Variants in LRBA observed in about 807,000 individuals in gnomAD.
The protein encoded by LRBA is LPS responsive beige-like anchor protein.
In LRBA, 176 loss-of-function variants were observed where a neutral mutation model predicts 330.0. The ratio of observed to expected loss-of-function variants is 0.53; its 90% CI spans 0.47 to 0.60. LRBA has a LOEUF of 0.60. LRBA is among the 20% of genes least tolerant of loss of function. LRBA has a pLI of 0.00. For synonymous variants in LRBA, 1,230 were observed against 1,193.0 expected, an observed-to-expected ratio of 1.03 and a Z score of -0.64; for missense variants, 3,259 against 3,444.8, an observed-to-expected ratio of 0.95 and a Z score of 1.35.
chr4:150,916,510 C>G lies in LRBA; in HGVS notation c.785G>C (p.Gly262Ala). 6.2e-7 allele frequency: 1 copy of G among 1,613,138 alleles called. No homozygotes were observed. The highest frequency in any genetic ancestry group is 2.2e-5 in the East Asian group (1 of 44,798). ...PYLYCFRTSK[G>A]LGYSAHFVGG... is the part of the protein sequence containing the mutation. ...AACAAAATGAGCAGAATAGCCAAGA[C>G]CTTTGCTGGTTCTGAAACTATAAAG... The change falls in exon 7 of 57, where the codon GGT (glycine) becomes GCT (alanine). Residue 262 changes from glycine (G) to alanine (A), a missense_variant. By Grantham distance (60) the Gly-to-Ala change is moderately conservative. Coordinates refer to ENST00000651943, the MANE Select transcript of LRBA (RefSeq NM_001364905.1).
chr4:150,880,033 G>C (rs1339807714), intron 17 of LRBA, among the ~76,000 whole-genome samples: 1 of 152,144 alleles, frequency 6.6e-6, no homozygotes, highest in Non-Finnish European at 1.5e-5. Flanking sequence ...CATGGTACTG[G>C]TATAAAAACA....
chr4:150,522,584 C>T (rs573045929), intron 40 of LRBA, among the ~76,000 whole-genome samples: 2 of 152,296 alleles, frequency 1.3e-5, no homozygotes, highest in Admixed American at 6.5e-5. Flanking sequence ...GGGCTCAAGG[C>T]ACCCGTGGTA....
chr4:150,343,603 C>T (rs941417983), intron 48 of LRBA, among the ~76,000 whole-genome samples: 4 of 152,116 alleles, frequency 2.6e-5, no homozygotes, highest in Non-Finnish European at 5.9e-5. Flanking sequence ...ATCTTTTCTA[C>T]AACATCCCTT....
At chr4:150,271,952 C>G (rs1208308176) in intron 56 of LRBA, among the ~76,000 whole-genome samples, 1 of 152,178 alleles carries the variant, frequency 6.6e-6, no homozygotes, top group African/African-American at 2.4e-5. Flanking sequence ...ACTTAAATGT[C>G]CCTGTCTGAC....
chr4:150,305,510 G>C (rs952791321), intron 52 of LRBA, among the ~76,000 whole-genome samples: 2 of 152,108 alleles, frequency 1.3e-5, no homozygotes, highest in Non-Finnish European at 2.9e-5. Context: ...AAATAGACAT[G>C]GTCCCTGCCC....
intron 34 of LRBA, among the ~76,000 whole-genome samples, chr4:150,783,690 G>A (rs1387548675): frequency 6.6e-6 from 1 of 152,174 alleles, no homozygotes; most frequent in Admixed American, 6.5e-5. Context: ...AGCCCACTGT[G>A]GAAGAGAAAG....
At chr4:150,575,984 G>A (rs974905427) in intron 40 of LRBA, among the ~76,000 whole-genome samples, 2 of 151,734 alleles carry the variant, frequency 1.3e-5, no homozygotes, top group African/African-American at 2.4e-5. Flanking sequence ...TGGTTCTCCA[G>A]GTAGAAAAGT....
chr4:150,699,560 A>G (rs1010774847), intron 36 of LRBA, among the ~76,000 whole-genome samples: 1 of 152,198 alleles, frequency 6.6e-6, no homozygotes, highest in Non-Finnish European at 1.5e-5. Context: ...TGTGGCACAT[A>G]TAAGCATTCA....
At chr4:150,526,565 C>T (rs554640214) in intron 40 of LRBA, among the ~76,000 whole-genome samples, 9 of 152,220 alleles carry the variant, frequency 5.9e-5, no homozygotes, top group African/African-American at 2.2e-4. Flanking sequence ...TTTCTCCCTC[C>T]TATTTAAACT....
At chr4:150,955,103 T>TG (rs1457381548) in intron 2 of LRBA, among the ~76,000 whole-genome samples, 1 of 148,294 alleles carries the variant, frequency 6.7e-6, no homozygotes, top group Admixed American at 6.6e-5. Flanking sequence ...GGTGAAACCC[T>TG]GTCTCTACAA....
chr4:150,269,778 G>GTCTC (rs1171023558), intron 56 of LRBA, among the ~76,000 whole-genome samples: 1 of 152,026 alleles, frequency 6.6e-6, no homozygotes, highest in East Asian at 1.9e-4. Flanking sequence ...GTGAGACCCT[G>GTCTC]TCTCTACAGA....
At chr4:150,402,192 T>C (rs1745576209) in intron 47 of LRBA, among the ~76,000 whole-genome samples, 1 of 151,336 alleles carries the variant, frequency 6.6e-6, no homozygotes, top group African/African-American at 2.4e-5. Flanking sequence ...AGTTTGGAAT[T>C]ATTTGGAAAT....
chr4:150,675,028 G>C (rs1163213236), intron 37 of LRBA, among the ~76,000 whole-genome samples: 1 of 151,922 alleles, frequency 6.6e-6, no homozygotes, highest in African/African-American at 2.4e-5. Flanking sequence ...ACCAGCCTGG[G>C]CAACATAGTG....
chr4:150,525,885 T>C (rs543090412), intron 40 of LRBA, among the ~76,000 whole-genome samples: 47 of 152,302 alleles, frequency 3.1e-4, no homozygotes, highest in African/African-American at 1.1e-3. Flanking sequence ...CTCAAATTTC[T>C]AATCTCTTCA....
intron 47 of LRBA, among the ~76,000 whole-genome samples, chr4:150,352,234 T>C (rs545621019): frequency 6.6e-6 from 1 of 152,316 alleles, no homozygotes; most frequent in African/African-American, 2.4e-5. Flanking sequence ...AAGTAACCAA[T>C]GAGACATAAA....
rs183398729 is a variant in LRBA at position 150,597,436 on chromosome 4, G to A, written c.6046+1571C>T. On this transcript the variant is annotated intron_variant, in intron 38 of 56. Coordinates refer to ENST00000651943, the MANE Select transcript of LRBA (RefSeq NM_001364905.1). ...ACCACAAATTTTAAATTGAATTATTGATATCTAAGGATAAAAGATTAACAG... is the reference window on the plus strand; with the variant it reads ...ACCACAAATTTTAAATTGAATTATTAATATCTAAGGATAAAAGATTAACAG... Among the ~76,000 whole-genome samples the A allele has an allele frequency of 3.9e-3, 584 of 151,642 alleles. 1 individual carries two copies. Among genetic ancestry groups the A allele is most frequent in the African/African-American group, 0.013 (540 of 41,440 alleles).
chr4:150,721,519 T>C, intron 36 of LRBA: 1 of 222,894 alleles, frequency 4.5e-6, no homozygotes. Flanking sequence ...CTGGGTTTTT[T>C]TTTTTTCCTC....
chr4:150,798,543 C>A lies in LRBA; in HGVS notation c.5519-401G>T, dbSNP rs556860782. ...CTCCACTACACTCTCTCCCTTCAAC[C>A]CTCTAGCTATCAATCAAGTTTCCAT... is the stretch of plus-strand genomic sequence containing the variant. On this transcript the variant is annotated intron_variant, in intron 33 of 56. Coordinates refer to ENST00000651943, the MANE Select transcript of LRBA (RefSeq NM_001364905.1). Among the ~76,000 whole-genome samples the A allele has an allele frequency of 9.9e-5, 15 of 152,224 alleles. No individual in the cohort carries two copies. In the South Asian group the frequency reaches 3.1e-3, roughly 32 times the overall value.
At chr4:150,812,241 A>C (rs978327894) in intron 31 of LRBA, among the ~76,000 whole-genome samples, 2 of 152,206 alleles carry the variant, frequency 1.3e-5, no homozygotes, top group African/African-American at 2.4e-5. Flanking sequence ...CAAATACATA[A>C]ATGCAGAAGC....
Sources: gnomAD v4.1 joint callset for allele counts (sites outside exome capture counted in the v4.1 genomes callset) on GRCh38, gnomAD v4.1.1 for gene constraint, MANE v1.5 for transcripts, NCBI Gene and HGNC (gene_info 2026-07-23, HGNC 2026-07-21) for gene names.